The following HRH2 variants were observed in gnomAD, a reference collection of about 807,000 sequenced individuals.
HRH2 encodes the protein histamine H2 receptor.
HRH2 carries 4 observed loss-of-function variants against 20.1 expected under a neutral mutation model. The observed-to-expected ratio is 0.20, with a 90% CI of 0.10 to 0.45. The LOEUF (loss-of-function observed/expected upper bound fraction) is 0.45, where lower values mean the gene tolerates loss of function less well. HRH2 is among the 20% of genes least tolerant of loss of function. The probability of loss-of-function intolerance (pLI) is 0.99; values close to 1 mark genes in which losing one functional copy is unlikely to be tolerated. For synonymous variants in HRH2, 197 were observed against 200.7 expected (o/e 0.98, Z 0.16); for missense variants, 250 against 461.6 (o/e 0.54, Z 4.20).
At chr5:175,670,431 T>G (rs1247235936) in intron 1 of HRH2, among the ~76,000 whole-genome samples, 1 of 152,230 alleles carries the variant, frequency 6.6e-6, no homozygotes, top group Non-Finnish European at 1.5e-5. Context: ...CCATCTTTGC[T>G]GTCCAAAAAT....
At chr5:175,663,505 G>T (rs760850858) in intron 1 of HRH2, among the ~76,000 whole-genome samples, 1 of 152,266 alleles carries the variant, frequency 6.6e-6, no homozygotes, top group Non-Finnish European at 1.5e-5. Flanking sequence ...ACTTCAATGC[G>T]TCACTCCCTT....
chr5:175,685,473 A>C, intron 2 of HRH2: 1 of 1,551,182 alleles, frequency 6.4e-7, no homozygotes, highest in Non-Finnish European at 8.7e-7. Context: ...TCATTTGTTC[A>C]TTCATTCATT....
chr5:175,668,073 G>T (rs1399069396), intron 1 of HRH2, among the ~76,000 whole-genome samples: 1 of 152,200 alleles, frequency 6.6e-6, no homozygotes, highest in Non-Finnish European at 1.5e-5. Context: ...CAAAGCAGGG[G>T]CCAGGTGCTG....
At chr5:175,690,337 G>T (rs899684288) in intron 2 of HRH2, among the ~76,000 whole-genome samples, 2 of 152,184 alleles carry the variant, frequency 1.3e-5, no homozygotes, top group African/African-American at 4.8e-5. Context: ...TTACAGGTTT[G>T]ATAACCTCAG....
At chr5:175,670,963 C>G (rs1382974135) in intron 1 of HRH2, among the ~76,000 whole-genome samples, 2 of 152,246 alleles carry the variant, frequency 1.3e-5, no homozygotes, top group Non-Finnish European at 2.9e-5. Context: ...TTATACTCAC[C>G]CGGCAGGGGC....
At chr5:175,671,124 G>A (rs2113489312) in intron 1 of HRH2, among the ~76,000 whole-genome samples, 1 of 152,330 alleles carries the variant, frequency 6.6e-6, no homozygotes, top group South Asian at 2.1e-4. Flanking sequence ...TTGGGGAACT[G>A]GAGGACAGTT....
chr5:175,693,902 A>G lies in HRH2; in HGVS notation c.1076+9593A>G, dbSNP rs1245493567. Among the ~76,000 whole-genome samples, 1 of 151,992 alleles carries G rather than the reference A, an allele frequency of 6.6e-6. No homozygotes were observed. Among genetic ancestry groups the G allele is most frequent in the African/African-American group, 2.4e-5 (1 of 41,370 alleles). On this transcript the variant is annotated intron_variant, in intron 2 of 2. Coordinates refer to ENST00000636584, the MANE Select transcript of HRH2 (RefSeq NM_001367711.1). This position sits in a 1 kb window ranked among gnomAD's most constrained non-coding sequence, Gnocchi z 4.4. ...CGTCTCCCCCATTCACTCATCCCTT[A>G]CCAGACACTCTCGCAAGCTGGGAAG...
intron 2 of HRH2, among the ~76,000 whole-genome samples, chr5:175,697,224 C>A (rs145973054): frequency 1.3e-5 from 2 of 151,950 alleles, no homozygotes; most frequent in East Asian, 1.9e-4. Context: ...AGCACTTTGG[C>A]AGGCCGAGGC....
rs577165705 is a variant in HRH2, at chr5:175,687,726, CT to C, written c.1076+3418del. ...CCCTGCCTCCTCTCAGATACCCCTG[CT>C]CCCAGCCGCTCCCTGTCTGCTCCAT... is the stretch of plus-strand genomic sequence containing the variant. On this transcript the variant is annotated intron_variant, in intron 2 of 2. Transcript: ENST00000636584. The surrounding 1 kb of genome is among the most constrained non-coding windows in gnomAD (Gnocchi z 5.2). Among the ~76,000 whole-genome samples, 7 of 152,298 alleles carry C rather than the reference CT, an allele frequency of 4.6e-5. No homozygotes were observed. The East Asian group carries it at 7.7e-4, about 17-fold the overall frequency.
intron 2 of HRH2, chr5:175,685,304 G>A: frequency 9.4e-7 from 1 of 1,066,804 alleles, no homozygotes; most frequent in Non-Finnish European, 1.4e-6. Context: ...ACAGCTTACT[G>A]GTCTGGGCTT....
rs766455569 is a variant in HRH2, at chr5:175,684,281, G to A, written c.1048G>A (p.Val350Ile). ...GCTCCAGGTGTGGAGTGGGACAGAA[G>A]TCACGGCCCCCCAGGGAGCCACAGA... is the stretch of plus-strand genomic sequence containing the variant. ...LKLQVWSGTE[V>I]TAPQGATDRK... Residue 350 changes from valine to isoleucine, a missense_variant, in exon 2 of 3, where the codon GTC becomes ATC. Physicochemically the swap from Val to Ile is conservative, Grantham distance 29. Coordinates refer to ENST00000636584, the MANE Select transcript of HRH2 (RefSeq NM_001367711.1). 1.2e-6 allele frequency: 2 copies of A among 1,613,996 alleles called. No homozygotes were observed. The highest frequency in any genetic ancestry group is 2.7e-5 in the African/African-American group (2 of 74,902).
At chr5:175,674,251 C>A (rs1755679834) in intron 1 of HRH2, among the ~76,000 whole-genome samples, 1 of 152,194 alleles carries the variant, frequency 6.6e-6, no homozygotes, top group Non-Finnish European at 1.5e-5. Flanking sequence ...ACGTTCAAAG[C>A]CCTGCCTGCC....
intron 2 of HRH2, among the ~76,000 whole-genome samples, chr5:175,704,781 C>T (rs1756893488): frequency 6.6e-6 from 1 of 151,856 alleles, no homozygotes. Context: ...TGAAAACTAC[C>T]ACTTATAAGA....
intron 1 of HRH2, among the ~76,000 whole-genome samples, chr5:175,671,478 C>T (rs897809471): frequency 5.9e-5 from 9 of 152,066 alleles, no homozygotes; most frequent in Non-Finnish European, 7.3e-5. Flanking sequence ...TGCTGGTATC[C>T]AGTTCATGTG....
chr5:175,671,184 T>C (rs968544224), intron 1 of HRH2, among the ~76,000 whole-genome samples: 2 of 152,218 alleles, frequency 1.3e-5, no homozygotes, highest in East Asian at 1.9e-4. Flanking sequence ...GGAACTCATA[T>C]TAGAAAGTTC....
In HRH2 at chr5:175,709,186, G is replaced by C. The variant is rs1421253439; in HGVS notation, c.*1215G>C. On this transcript the variant is annotated 3_prime_UTR_variant, in exon 3 of 3. Coordinates refer to ENST00000636584, the MANE Select transcript of HRH2 (RefSeq NM_001367711.1). ...ACACTCAATCTTCCTTGGTTTCCAA[G>C]ATGCTTCATGATCTTCCCCCTCCCT... The C allele has an allele frequency of 6.6e-6, 1 of 152,168 alleles. No homozygotes were observed. Among genetic ancestry groups the C allele is most frequent in the Non-Finnish European group, 1.5e-5 (1 of 68,082 alleles). The allele number at this position is 152,168 out of a possible 1,614,324, so 9.4% of individuals were successfully genotyped here. A position where few individuals can be genotyped will look rare whatever the true frequency, so the allele number is the denominator to read the frequency against.
chr5:175,669,524 C>T (rs935888198), intron 1 of HRH2, among the ~76,000 whole-genome samples: 3 of 152,042 alleles, frequency 2.0e-5, no homozygotes, highest in Non-Finnish European at 2.9e-5. Flanking sequence ...CCAGCACACC[C>T]GGCTAGTTCT....
At chr5:175,698,631 C>T (rs988263352) in intron 2 of HRH2, among the ~76,000 whole-genome samples, 4 of 152,190 alleles carry the variant, frequency 2.6e-5, no homozygotes, top group African/African-American at 9.7e-5. Flanking sequence ...CAACCCCCTC[C>T]GTCTCGCAGC....
chr5:175,700,669 A>G (rs1233830056), intron 2 of HRH2, among the ~76,000 whole-genome samples: 1 of 152,182 alleles, frequency 6.6e-6, no homozygotes, highest in Non-Finnish European at 1.5e-5. Context: ...CAGACAGATC[A>G]CAAGGTCAGT....
Sources: allele counts gnomAD v4.1 joint callset (sites outside exome capture counted in the v4.1 genomes callset), GRCh38; gene constraint gnomAD v4.1.1; non-coding constraint Gnocchi (gnomAD v3.1); transcripts MANE v1.5; gene names NCBI Gene and HGNC (gene_info 2026-07-23, HGNC 2026-07-21).